The following RPS6KA2 variants were observed in gnomAD, a reference collection of about 807,000 sequenced individuals.
The protein encoded by RPS6KA2 is ribosomal protein S6 kinase alpha-2.
A neutral mutation model predicts 91.8 loss-of-function variants in RPS6KA2; 42 were observed. The ratio of observed to expected loss-of-function variants is 0.46; its 90% CI spans 0.36 to 0.59. RPS6KA2 has a LOEUF of 0.59. Ranked by LOEUF, RPS6KA2 falls within the 20% of genes least tolerant of loss-of-function variation. RPS6KA2 has a pLI of 0.00. For missense variants in RPS6KA2, 798 were observed against 978.5 expected (o/e 0.82, Z 2.46); for synonymous variants, 414 against 393.6 (o/e 1.05, Z -0.61).
rs552277468 is a variant in RPS6KA2 at position 166,788,509 on chromosome 6, A to C, written c.123+69691T>G. Among the ~76,000 whole-genome samples, 4 of 152,358 alleles carry C rather than the reference A, an allele frequency of 2.6e-5. No individual in the cohort carries two copies. The South Asian group carries it at 8.3e-4, about 32-fold the overall frequency. On this transcript the variant is annotated intron_variant, in intron 2 of 21. Coordinates refer to the RPS6KA2 transcript ENST00000503859. ...CACCATGGAATACTATGCAGCTATAAAAAAGAATGAGATCATGTTCTTTGC... is the reference window on the plus strand; with the variant it reads ...CACCATGGAATACTATGCAGCTATACAAAAGAATGAGATCATGTTCTTTGC...
rs914376559 is a variant in RPS6KA2 at position 166,732,270 on chromosome 6, G to A, written c.123+125930C>T. On this transcript the variant is annotated intron_variant, in intron 2 of 21. Coordinates refer to the RPS6KA2 transcript ENST00000503859. This position sits in a 1 kb window ranked among gnomAD's most constrained non-coding sequence, Gnocchi z 4.0. ...ATAGCTTCATGATTCCCCCAAAATA[G>A]ACTGATAAAAATACAATTTAGAAGT... 6.6e-6 allele frequency among the ~76,000 whole-genome samples: 1 copy of A among 152,166 alleles called. No individual in the cohort carries two copies. Among genetic ancestry groups the A allele is most frequent in the Non-Finnish European group, 1.5e-5 (1 of 68,032 alleles).
rs1461593108 is a variant in RPS6KA2 at position 166,498,466 on chromosome 6, G to T, written c.747+42C>A. 4 of 1,569,102 alleles carry T rather than the reference G, an allele frequency of 2.5e-6. No individual in the cohort carries two copies. The African/African-American group carries it at 4.1e-5, about 16-fold the overall frequency. On this transcript the variant is annotated intron_variant, in intron 8 of 20. Coordinates refer to ENST00000265678, the MANE Select transcript of RPS6KA2 (RefSeq NM_021135.6). ...ACCTGGGGACAGGGGTCCACGTGGG[G>T]AACAGCCGCCATGGCACAGAAGAGG...
At chr6:166,461,860 C>A (rs1780322025) in intron 11 of RPS6KA2, among the ~76,000 whole-genome samples, 1 of 147,960 alleles carries the variant, frequency 6.8e-6, no homozygotes, top group Non-Finnish European at 1.5e-5. Flanking sequence ...CCCACCCCTG[C>A]CCCTGCCCCA....
chr6:166,754,262 G>A (rs1777930967), intron 2 of RPS6KA2, among the ~76,000 whole-genome samples: 1 of 152,196 alleles, frequency 6.6e-6, no homozygotes, highest in Non-Finnish European at 1.5e-5. Flanking sequence ...GTGTGGCAGG[G>A]CAACAGGTCA....
chr6:166,715,438 G>A (rs577950209), intron 2 of RPS6KA2, among the ~76,000 whole-genome samples: 1 of 152,326 alleles, frequency 6.6e-6, no homozygotes, highest in East Asian at 1.9e-4. Flanking sequence ...GGTGAGAAGA[G>A]GAATGAGAGA....
At chr6:166,590,428 G>C (rs531505432) in intron 1 of RPS6KA2, among the ~76,000 whole-genome samples, 1 of 152,238 alleles carries the variant, frequency 6.6e-6, no homozygotes, top group South Asian at 2.1e-4. Context: ...CCTATTTCAG[G>C]GCTGGGCACA....
chr6:166,527,812 T>C (rs1783121040), intron 3 of RPS6KA2, among the ~76,000 whole-genome samples: 1 of 152,242 alleles, frequency 6.6e-6, no homozygotes, highest in Non-Finnish European at 1.5e-5. Context: ...CCCGTGCGGC[T>C]TGGTGCCTGG....
At chr6:166,748,044 T>C (rs1562415521) in intron 2 of RPS6KA2, among the ~76,000 whole-genome samples, 1 of 152,114 alleles carries the variant, frequency 6.6e-6, no homozygotes, top group Non-Finnish European at 1.5e-5. Flanking sequence ...TGGAAATGTC[T>C]CATTTGTCCC....
intron 1 of RPS6KA2, among the ~76,000 whole-genome samples, chr6:166,583,948 G>A (rs1465108996): frequency 1.3e-5 from 2 of 152,188 alleles, no homozygotes; most frequent in Non-Finnish European, 2.9e-5. Context: ...TAGTGATAGT[G>A]ACCCTCTAAG....
chr6:166,565,064 G>A (rs1562582880), intron 1 of RPS6KA2, among the ~76,000 whole-genome samples: 1 of 152,184 alleles, frequency 6.6e-6, no homozygotes, highest in African/African-American at 2.4e-5. Flanking sequence ...GAGCCACTTG[G>A]CGAAGTGGAG....
At chr6:166,602,772 TA>T (rs1785794077) in intron 1 of RPS6KA2, among the ~76,000 whole-genome samples, 1 of 152,170 alleles carries the variant, frequency 6.6e-6, no homozygotes, top group South Asian at 2.1e-4. Flanking sequence ...TGGGGGACCA[TA>T]AATGGTGTTC....
At chr6:166,474,076 G>A (rs1045928742) in intron 10 of RPS6KA2, among the ~76,000 whole-genome samples, 4 of 152,064 alleles carry the variant, frequency 2.6e-5, no homozygotes, top group Admixed American at 2.6e-4. Flanking sequence ...AGGCTTGAGC[G>A]GTGTGGGAGT....
intron 17 of RPS6KA2, 119 bp from the exon 18 acceptor site, chr6:166,420,077 T>C (rs1778669491): frequency 1.2e-6 from 1 of 868,162 alleles, no homozygotes; most frequent in African/African-American, 1.6e-5. Context: ...GGCGGTGCCA[T>C]GTCTTCGGTG....
chr6:166,820,421 T>C (rs184660193), intron 2 of RPS6KA2, among the ~76,000 whole-genome samples: 3 of 152,296 alleles, frequency 2.0e-5, no homozygotes, highest in Middle Eastern at 3.4e-3. Flanking sequence ...GTTAAAATTA[T>C]GTTTAGATGA....
chr6:166,813,290 GCTTC>G (rs1275318070), intron 2 of RPS6KA2, among the ~76,000 whole-genome samples: 1 of 152,166 alleles, frequency 6.6e-6, no homozygotes, highest in Admixed American at 6.5e-5. Flanking sequence ...GCCGCCCACT[GCTTC>G]TGACCAAACC....
At chr6:166,602,272 C>T (rs865965227) in intron 1 of RPS6KA2, among the ~76,000 whole-genome samples, 5 of 152,296 alleles carry the variant, frequency 3.3e-5, no homozygotes, top group East Asian at 1.9e-4. Flanking sequence ...GCATCTTATA[C>T]GACGACTTTG....
intron 10 of RPS6KA2, among the ~76,000 whole-genome samples, chr6:166,470,126 G>A (rs375030958): frequency 6.6e-6 from 1 of 152,226 alleles, no homozygotes; most frequent in African/African-American, 2.4e-5. Context: ...GAGGTGGCCT[G>A]GGGTTGGAGT....
At position 166,449,274 on chromosome 6, in the gene RPS6KA2, A is replaced by T. The variant is rs141876283; in HGVS notation, c.1207-425T>A. Among the ~76,000 whole-genome samples the T allele has an allele frequency of 7.9e-5, 12 of 152,184 alleles. No individual in the cohort carries two copies. The East Asian group carries it at 2.3e-3, about 29-fold the overall frequency. On this transcript the variant is annotated intron_variant, in intron 13 of 20. Transcript: ENST00000265678. ...GGTGTCCAAGTCACAGCCTGCTCTG[A>T]CCTGCATGCAGCAGCCCCACCCACC...
intron 2 of RPS6KA2, among the ~76,000 whole-genome samples, chr6:166,705,220 A>C (rs1395705436): frequency 6.6e-6 from 1 of 152,258 alleles, no homozygotes; most frequent in African/African-American, 2.4e-5. Context: ...CAATTGTGCA[A>C]GCCAAGAGCA....
Sources: allele counts gnomAD v4.1 joint callset (sites outside exome capture counted in the v4.1 genomes callset), GRCh38; gene constraint gnomAD v4.1.1; non-coding constraint Gnocchi (gnomAD v3.1); transcripts MANE v1.5; gene names NCBI Gene and HGNC (gene_info 2026-07-23, HGNC 2026-07-21).